The following CDH8 variants were observed in gnomAD, a reference collection of about 807,000 sequenced individuals.
CDH8 encodes the protein cadherin-8.
In CDH8, 17 loss-of-function variants were observed where a neutral mutation model predicts 68.1. That is an observed-to-expected ratio of 0.25 (90% CI 0.17 to 0.37). CDH8 has a LOEUF of 0.37. Among genes scored for constraint, CDH8 ranks in the 10% least tolerant of loss-of-function variants. CDH8 has a pLI of 1.00. For missense variants in CDH8, 763 were observed against 999.3 expected, an observed-to-expected ratio of 0.76 and a Z score of 3.19; for synonymous variants, 372 against 365.1, an observed-to-expected ratio of 1.02 and a Z score of -0.21.
At chr16:61,665,632 G>C (rs906617755) in intron 10 of CDH8, among the ~76,000 whole-genome samples, 1 of 151,736 alleles carries the variant, frequency 6.6e-6, no homozygotes, top group African/African-American at 2.4e-5. Context: ...CAACAAACCT[G>C]AACGTTCTTC....
At position 61,857,218 on chromosome 16, in the gene CDH8, T is replaced by G. The variant is rs1567502663; in HGVS notation, c.568A>C (p.Thr190Pro). Reference sequence around the variant, plus strand: ...ACTGGGTCATCAGCGTCGGTCGCAGTGACGTTAGTGACAGATGTACCTAAT... The same window carrying G: ...ACTGGGTCATCAGCGTCGGTCGCAGGGACGTTAGTGACAGATGTACCTAAT... ...SILGTSVTNV[T>P]ATDADDPVYG... The change falls in exon 4 of 12, where the codon ACT becomes CCT. Residue 190 changes from threonine to proline, a missense_variant. Around this residue, in one of 2 missense-constraint regions of CDH8, gnomAD observed 366 missense variants for 563.1 expected, o/e 0.65. Transcript: ENST00000577390. 13 of 1,612,640 alleles carry G rather than the reference T, an allele frequency of 8.1e-6. No individual in the cohort carries two copies. Among genetic ancestry groups the G allele is most frequent in the Non-Finnish European group, 1.0e-5 (12 of 1,178,840 alleles).
intron 10 of CDH8, among the ~76,000 whole-genome samples, chr16:61,704,139 C>A (rs1964486890): frequency 6.6e-6 from 1 of 152,160 alleles, no homozygotes; most frequent in Admixed American, 6.5e-5. Flanking sequence ...AAACTACATT[C>A]TAGGTATATC....
At chr16:61,892,879 G>A (rs765632089) in intron 3 of CDH8, among the ~76,000 whole-genome samples, 3 of 152,126 alleles carry the variant, frequency 2.0e-5, no homozygotes, top group African/African-American at 4.8e-5. Flanking sequence ...ATTCCTCACT[G>A]TTAAAGAAAG....
chr16:61,798,746 A>T (rs1015275231), intron 7 of CDH8, among the ~76,000 whole-genome samples: 10 of 152,222 alleles, frequency 6.6e-5, no homozygotes, highest in African/African-American at 2.2e-4. Flanking sequence ...GAACATGGAA[A>T]GCAAAGGAAG....
At chr16:62,033,510 A>G (rs1345835189) in intron 1 of CDH8, among the ~76,000 whole-genome samples, 1 of 152,228 alleles carries the variant, frequency 6.6e-6, no homozygotes, top group African/African-American at 2.4e-5. Flanking sequence ...GTAGAGATTT[A>G]CCCATCTTGA....
At chr16:61,882,393 G>T (rs952008120) in intron 3 of CDH8, among the ~76,000 whole-genome samples, 11 of 152,298 alleles carry the variant, frequency 7.2e-5, no homozygotes, top group Middle Eastern at 3.4e-3. Flanking sequence ...CCATTTTGCA[G>T]ATATCCCTCT....
intron 3 of CDH8, among the ~76,000 whole-genome samples, chr16:61,868,990 G>A (rs867074022): frequency 6.6e-6 from 1 of 152,118 alleles, no homozygotes; most frequent in South Asian, 2.1e-4. Context: ...AACTGATTAT[G>A]TTTTCAGCCC....
At chr16:62,032,731 GA>G (rs1902357136) in intron 1 of CDH8, among the ~76,000 whole-genome samples, 1 of 152,172 alleles carries the variant, frequency 6.6e-6, no homozygotes, top group Non-Finnish European at 1.5e-5. Flanking sequence ...AGTGTGGTTG[GA>G]AATACGAATT....
intron 10 of CDH8, among the ~76,000 whole-genome samples, chr16:61,666,902 T>C (rs1171998678): frequency 6.6e-6 from 1 of 152,032 alleles, no homozygotes; most frequent in Non-Finnish European, 1.5e-5. Flanking sequence ...TAGTATCCAA[T>C]ATTTAGGAAT....
intron 4 of CDH8, among the ~76,000 whole-genome samples, chr16:61,826,677 C>T (rs1228269740): frequency 6.6e-6 from 1 of 151,260 alleles, no homozygotes; most frequent in African/African-American, 2.4e-5. Flanking sequence ...TTTAAATCAT[C>T]TGTCTGTAAA....
At chr16:61,833,768 C>T (rs533567330) in intron 4 of CDH8, among the ~76,000 whole-genome samples, 13 of 152,056 alleles carry the variant, frequency 8.5e-5, no homozygotes, top group Non-Finnish European at 1.9e-4. Context: ...TTACTCTTTA[C>T]TGGATCTCTT....
At chr16:61,670,951 AT>A (rs1963779600) in intron 10 of CDH8, among the ~76,000 whole-genome samples, 1 of 152,056 alleles carries the variant, frequency 6.6e-6, no homozygotes, top group Non-Finnish European at 1.5e-5. Context: ...TTTCCACTTA[AT>A]ATTATCAGAC....
chr16:61,708,327 C>T (rs887597740), intron 10 of CDH8, among the ~76,000 whole-genome samples: 1 of 152,076 alleles, frequency 6.6e-6, no homozygotes, highest in African/African-American at 2.4e-5. Flanking sequence ...GAATTATATC[C>T]TAGTGGTCAG....
chr16:61,769,985 C>T (rs938110802), intron 8 of CDH8, among the ~76,000 whole-genome samples: 20 of 151,804 alleles, frequency 1.3e-4, no homozygotes, highest in African/African-American at 4.6e-4. Context: ...GGATGTTTGC[C>T]CATCTATCAC....
At chr16:61,852,775 C>T (rs1962962076) in intron 4 of CDH8, among the ~76,000 whole-genome samples, 1 of 151,614 alleles carries the variant, frequency 6.6e-6, no homozygotes, top group Non-Finnish European at 1.5e-5. Flanking sequence ...GCACTTTCTT[C>T]CTCCTTCCCT....
At chr16:61,685,117 C>G (rs1234432362) in intron 10 of CDH8, among the ~76,000 whole-genome samples, 1 of 142,516 alleles carries the variant, frequency 7.0e-6, no homozygotes, top group Non-Finnish European at 1.5e-5. Context: ...TTGGTCAATA[C>G]AATTAGAATT....
rs114541821 is a variant in CDH8, at chr16:61,831,998, A to G, written c.668-6819T>C. 7.8e-3 allele frequency among the ~76,000 whole-genome samples: 1,189 copies of G among 151,822 alleles called. 22 individuals carry two copies. Among genetic ancestry groups the G allele is most frequent in the African/African-American group, 0.027 (1,105 of 41,454 alleles). ...GTTAAGTGGTAAAAGGCTATAAGAG[A>G]CAATACTTCTATAAGTGGGGGGGTC... On this transcript the variant is annotated intron_variant, in intron 4 of 11. Transcript: ENST00000577390.
At chr16:62,024,044 G>T (rs1007873346) in intron 1 of CDH8, among the ~76,000 whole-genome samples, 2 of 152,100 alleles carry the variant, frequency 1.3e-5, no homozygotes, top group East Asian at 3.9e-4. Flanking sequence ...TGGGGGAGGG[G>T]TTGATCTCCA....
intron 8 of CDH8, among the ~76,000 whole-genome samples, chr16:61,734,603 T>C (rs554668453): frequency 2.0e-5 from 3 of 152,188 alleles, no homozygotes; most frequent in African/African-American, 7.2e-5. Flanking sequence ...CAGAAGGCTT[T>C]TGTTAGAATC....
Sources: gnomAD v4.1 joint callset for allele counts (sites outside exome capture counted in the v4.1 genomes callset) on GRCh38, gnomAD v4.1.1 for gene constraint, gnomAD v4.1.1 regional missense constraint, MANE v1.5 for transcripts, NCBI Gene and HGNC (gene_info 2026-07-23, HGNC 2026-07-21) for gene names.